The following FRMD4A variants were observed in gnomAD, a reference collection of about 807,000 sequenced individuals.
FRMD4A encodes the protein FERM domain-containing protein 4A.
FRMD4A carries 29 observed loss-of-function variants against 129.1 expected under a neutral mutation model. The observed-to-expected ratio is 0.22, with a 90% confidence interval of 0.17 to 0.31. The LOEUF (loss-of-function observed/expected upper bound fraction) is 0.31, where lower values mean the gene tolerates loss of function less well. Ranked by LOEUF, FRMD4A falls within the 10% of genes least tolerant of loss-of-function variation. The probability of loss-of-function intolerance (pLI) is 1.00; values close to 1 mark genes in which losing one functional copy is unlikely to be tolerated. For missense variants in FRMD4A, 1,272 were observed against 1,375.8 expected (o/e 0.92, Z 1.19); for synonymous variants, 634 against 571.6 (o/e 1.11, Z -1.56).
intron 2 of FRMD4A, among the ~76,000 whole-genome samples, chr10:13,968,135 A>G (rs1043762096): frequency 6.6e-6 from 1 of 152,176 alleles, no homozygotes; most frequent in African/African-American, 2.4e-5. Context: ...TGGACTGCAC[A>G]TTAGTATCAA....
intron 2 of FRMD4A, among the ~76,000 whole-genome samples, chr10:14,070,009 T>A (rs1448537697): frequency 6.6e-6 from 1 of 152,140 alleles, no homozygotes; most frequent in South Asian, 2.1e-4. Context: ...AACAAGTAGA[T>A]CTTCACCAGG....
intron 2 of FRMD4A, among the ~76,000 whole-genome samples, chr10:14,296,654 G>T (rs1846019038): frequency 6.6e-6 from 1 of 152,148 alleles, no homozygotes; most frequent in East Asian, 1.9e-4. Context: ...AATGCCAAAA[G>T]GGAATTCATG....
intron 2 of FRMD4A, among the ~76,000 whole-genome samples, chr10:13,884,170 A>ACACG (rs1564971125): frequency 3.3e-5 from 2 of 61,030 alleles, no homozygotes; most frequent in South Asian, 1.0e-3. Flanking sequence ...ACACACACTC[A>ACACG]CACACTCACA....
chr10:13,757,684 C>A (rs977915104), intron 8 of FRMD4A, among the ~76,000 whole-genome samples: 1 of 152,180 alleles, frequency 6.6e-6, no homozygotes, highest in Non-Finnish European at 1.5e-5. Context: ...AGAGTAGCTA[C>A]GGTTCACAGT....
chr10:14,260,046 T>A (rs1202492212), intron 2 of FRMD4A, among the ~76,000 whole-genome samples: 1 of 149,986 alleles, frequency 6.7e-6, no homozygotes, highest in Non-Finnish European at 1.5e-5. Context: ...AAAAATCCCA[T>A]CTCCTTTTTT....
intron 15 of FRMD4A, among the ~76,000 whole-genome samples, chr10:13,681,089 C>T (rs868679470): frequency 3.3e-5 from 5 of 152,214 alleles, no homozygotes; most frequent in East Asian, 1.9e-4. Context: ...ACAACTTACT[C>T]GGATAGTTCC....
intron 2 of FRMD4A, among the ~76,000 whole-genome samples, chr10:14,235,535 A>G (rs1253756140): frequency 6.6e-6 from 1 of 152,162 alleles, no homozygotes; most frequent in Non-Finnish European, 1.5e-5. Context: ...ACTATAATAC[A>G]TCTTCCAGAG....
rs566089285 is a variant in FRMD4A at position 14,140,230 on chromosome 10, C to T, written c.45+189828G>A. Among the ~76,000 whole-genome samples the T allele has an allele frequency of 8.7e-4, 133 of 152,142 alleles. 2 individuals are homozygous for T. The highest frequency in any genetic ancestry group is 8.4e-3 in the Admixed American group (129 of 15,280). On this transcript the variant is annotated intron_variant, in intron 2 of 24. Transcript: ENST00000357447. ...GCGCACACCACCACACCTGGCTAAT[C>T]TTCGTATTTTTTAGCAGAGATGGGG...
intron 2 of FRMD4A, among the ~76,000 whole-genome samples, chr10:14,051,976 A>C (rs1834282072): frequency 6.6e-6 from 1 of 152,232 alleles, no homozygotes; most frequent in Non-Finnish European, 1.5e-5. Context: ...AATTAAGGTA[A>C]CATGAGGTCA....
At chr10:14,272,482 T>G (rs1265448867) in intron 2 of FRMD4A, among the ~76,000 whole-genome samples, 1 of 152,214 alleles carries the variant, frequency 6.6e-6, no homozygotes. Context: ...AAGTCATCTG[T>G]AGCCAAACCG....
At chr10:14,251,284 G>T (rs1844431778) in intron 2 of FRMD4A, among the ~76,000 whole-genome samples, 3 of 152,176 alleles carry the variant, frequency 2.0e-5, no homozygotes, top group African/African-American at 2.4e-5. Context: ...TCTGTCTGGG[G>T]TGTGCTCTCT....
chr10:14,190,329 T>C (rs928408990), intron 2 of FRMD4A, among the ~76,000 whole-genome samples: 1 of 152,208 alleles, frequency 6.6e-6, no homozygotes, highest in African/African-American at 2.4e-5. Context: ...CTGCTGGATG[T>C]GCTGGAAGCC....
chr10:13,972,169 G>C, intron 2 of FRMD4A: 1 of 1,041,022 alleles, frequency 9.6e-7, no homozygotes. Flanking sequence ...ACAGAACTTA[G>C]GGAAGACCTC....
chr10:13,885,514 G>A (rs961380969), intron 2 of FRMD4A, among the ~76,000 whole-genome samples: 3 of 152,172 alleles, frequency 2.0e-5, no homozygotes, highest in Non-Finnish European at 2.9e-5. Flanking sequence ...GTCCCTCAAT[G>A]CCTGTAAGCT....
At chr10:14,081,552 A>G (rs138051114) in intron 2 of FRMD4A, among the ~76,000 whole-genome samples, 2 of 152,350 alleles carry the variant, frequency 1.3e-5, no homozygotes, top group East Asian at 3.9e-4. Context: ...TCATAGGAGC[A>G]ATTGAAGATA....
At chr10:14,101,536 G>C (rs993434479) in intron 2 of FRMD4A, among the ~76,000 whole-genome samples, 1 of 152,188 alleles carries the variant, frequency 6.6e-6, no homozygotes, top group African/African-American at 2.4e-5. Context: ...TAGGAGGAGA[G>C]AGGGAAAAAT....
At position 14,067,055 on chromosome 10, in the gene FRMD4A, C is replaced by T. The variant is rs376858472; in HGVS notation, c.46-208143G>A. ...TGTCTCGGCTAGGTGCAGTGGCTCA[C>T]GCCTGTAATCCCAGCACTTTGGGAG... On this transcript the variant is annotated intron_variant, in intron 2 of 24. Coordinates refer to ENST00000357447, the MANE Select transcript of FRMD4A (RefSeq NM_018027.5). Among the ~76,000 whole-genome samples the T allele has an allele frequency of 1.8e-4, 27 of 152,250 alleles. No homozygotes were observed. The South Asian group carries it at 4.4e-3, about 25-fold the overall frequency.
chr10:14,301,597 T>A (rs1846188550), intron 2 of FRMD4A, among the ~76,000 whole-genome samples: 2 of 152,370 alleles, frequency 1.3e-5, no homozygotes, highest in East Asian at 3.9e-4. Flanking sequence ...ACAAGAAACA[T>A]TCTGCATCTA....
At chr10:13,822,479 A>G (rs1402110244) in intron 3 of FRMD4A, among the ~76,000 whole-genome samples, 1 of 152,226 alleles carries the variant, frequency 6.6e-6, no homozygotes, top group African/African-American at 2.4e-5. Flanking sequence ...ACCCCAATAC[A>G]GTCCCTGACA....
Sources: gnomAD v4.1 joint callset for allele counts (sites outside exome capture counted in the v4.1 genomes callset) on GRCh38, gnomAD v4.1.1 for gene constraint, MANE v1.5 for transcripts, NCBI Gene and HGNC (gene_info 2026-07-23, HGNC 2026-07-21) for gene names.